The following NOP58 variants were observed in gnomAD, a reference collection of about 807,000 sequenced individuals.
NOP58 encodes the protein nucleolar protein 58.
NOP58 carries 44 observed loss-of-function variants against 71.2 expected under a neutral mutation model. That is an observed-to-expected ratio of 0.62 (90% confidence interval 0.49 to 0.79). The LOEUF is 0.79. Ranked by LOEUF, NOP58 falls within the 30% of genes least tolerant of loss-of-function variation. The pLI is 0.00. For missense variants in NOP58, 538 were observed against 620.2 expected (o/e 0.87, Z 1.41); for synonymous variants, 228 against 200.3 (o/e 1.14, Z -1.17).
chr2:202,274,745 G>C (rs1008881110), intron 1 of NOP58, among the ~76,000 whole-genome samples: 1 of 151,968 alleles, frequency 6.6e-6, no homozygotes, highest in African/African-American at 2.4e-5. Context: ...CTGGGCTACA[G>C]AGCGAGACTC....
intron 1 of NOP58, 105 bp downstream of exon 1, chr2:202,266,091 T>TA (rs1158052901): frequency 3.3e-5 from 44 of 1,330,268 alleles, no homozygotes; most frequent in Non-Finnish European, 4.6e-5. Context: ...GGGTGCCTGT[T>TA]ATAGCCCGGG....
intron 3 of NOP58, among the ~76,000 whole-genome samples, chr2:202,278,752 C>A (rs1012272114): frequency 6.6e-6 from 1 of 151,998 alleles, no homozygotes; most frequent in South Asian, 2.1e-4. Context: ...AAATGAAGGA[C>A]CGTGAGGAAG....
chr2:202,287,700 G>A lies in NOP58; in HGVS notation c.475G>A (p.Asp159Asn). 2 of 1,613,210 alleles carry A rather than the reference G, an allele frequency of 1.2e-6. No individual in the cohort carries two copies. The highest frequency in any genetic ancestry group is 1.7e-6 in the Non-Finnish European group (2 of 1,179,220). ...YRLKFSADKV[D>N]TMIVQAISLL... ...ATTGAAGTTTAGCGCTGATAAAGTA[G>A]ACACAATGATTGTTCAGGCAATTTG... Residue 159 changes from aspartate to asparagine, a missense_variant, in exon 6 of 15, where the codon GAC becomes AAC. Asp to Asn is a conservative substitution (Grantham distance 23). Transcript: ENST00000264279.
rs570916461 is a variant in NOP58, at chr2:202,272,149, ATTT to A, written c.46-2944_46-2942del. ...TTTTAGGGGTTTGTTCTGATGTATAATTTTTTTTTTTTTTTTTTTTTTGAGACG... is the reference window on the plus strand; with the variant it reads ...TTTTAGGGGTTTGTTCTGATGTATAATTTTTTTTTTTTTTTTTTTGAGACG... On this transcript the variant is annotated intron_variant, in intron 1 of 14. Coordinates refer to ENST00000264279, the MANE Select transcript of NOP58 (RefSeq NM_015934.5). Among the ~76,000 whole-genome samples the A allele has an allele frequency of 3.3e-3, 365 of 111,148 alleles. 2 individuals are homozygous for A. The highest frequency in any genetic ancestry group is 0.012 in the African/African-American group (334 of 28,704). The allele number at this position is 111,148 out of a possible 152,430, so 72.9% of individuals were successfully genotyped here. A position where few individuals can be genotyped will look rare whatever the true frequency, so the allele number is the denominator to read the frequency against.
rs2105848210 is a variant in NOP58 at position 202,287,669 on chromosome 2, A to T, written c.444A>T (p.Arg148=). The change falls in exon 6 of 15, where the codon CGA becomes CGT. Residue 148 remains arginine, a synonymous_variant. Transcript: ENST00000264279. ...TCCCCTTTCTTCCCAGCCTGTCTCGATATAGATTGAAGTTTAGCGCTGATA... is the reference window on the plus strand; with the variant it reads ...TCCCCTTTCTTCCCAGCCTGTCTCGTTATAGATTGAAGTTTAGCGCTGATA... ...MCLGLAHSLS[R]YRLKFSADKV... is the part of the protein sequence containing the mutation. The T allele has an allele frequency of 1.2e-6, 2 of 1,612,202 alleles. No homozygotes were observed. Among genetic ancestry groups the T allele is most frequent in the East Asian group, 4.5e-5 (2 of 44,866 alleles).
At chr2:202,287,766 T>C in intron 6 of NOP58, 42 bp downstream of exon 6, 1 of 1,291,588 alleles carries the variant, frequency 7.7e-7, no homozygotes, top group Non-Finnish European at 1.1e-6. Context: ...TGCTCTGTCC[T>C]TCATGCGTTT....
rs752452208 is a variant in NOP58 at position 202,297,343 on chromosome 2, GA to G, written c.1072-34del. The G allele has an allele frequency of 3.7e-5, 58 of 1,586,738 alleles. 1 individual carries two copies. In the South Asian group the frequency reaches 5.1e-4, roughly 14 times the overall value. On this transcript the variant is annotated intron_variant, in intron 10 of 14. Coordinates refer to ENST00000264279, the MANE Select transcript of NOP58 (RefSeq NM_015934.5). Reference sequence around the variant, plus strand: ...CCAAGTTATTGAGGATTTTACATCTGAACATGGAATATAGTTCTTCATGTTT... The same window carrying G: ...CCAAGTTATTGAGGATTTTACATCTGACATGGAATATAGTTCTTCATGTTT...
In NOP58 at chr2:202,284,495, G is replaced by A. The variant is rs374682661; in HGVS notation, c.434+14G>A. ...ATTGGCTCACAGGTGAGAATTACTG[G>A]AAAATAAAGTCAACTTACTTTTATT... On this transcript the variant is annotated intron_variant, in intron 5 of 14. Coordinates refer to ENST00000264279, the MANE Select transcript of NOP58 (RefSeq NM_015934.5). 6 of 1,608,652 alleles carry A rather than the reference G, an allele frequency of 3.7e-6. No individual in the cohort carries two copies. The highest frequency in any genetic ancestry group is 4.2e-6 in the Non-Finnish European group (5 of 1,178,602).
In NOP58 at chr2:202,303,415, A is replaced by G; in HGVS notation, c.1569A>G (p.Lys523=). 1 of 1,612,218 alleles carries G rather than the reference A, an allele frequency of 6.2e-7. No individual in the cohort carries two copies. The highest frequency in any genetic ancestry group is 8.5e-7 in the Non-Finnish European group (1 of 1,179,084). The change falls in exon 15 of 15, where the codon AAA becomes AAG. Residue 523 remains lysine, a synonymous_variant. Coordinates refer to ENST00000264279, the MANE Select transcript of NOP58 (RefSeq NM_015934.5). ...ASPEKKKKKK[K]KRENED is the part of the protein sequence containing the mutation. ...CAGAGAAAAAGAAGAAAAAGAAAAA[A>G]AAGAGAGAGAACGAGGATTAACAGA...
chr2:202,298,235 A>G (rs554713802), intron 12 of NOP58, among the ~76,000 whole-genome samples: 3 of 152,152 alleles, frequency 2.0e-5, no homozygotes, highest in East Asian at 1.9e-4. Context: ...TTTCCATGCC[A>G]TTTAGTTTTC....
chr2:202,274,234 T>C (rs1453887713), intron 1 of NOP58, among the ~76,000 whole-genome samples: 1 of 152,088 alleles, frequency 6.6e-6, no homozygotes, highest in Non-Finnish European at 1.5e-5. Context: ...TTTTTTGTTT[T>C]ATTTTTTTGA....
intron 13 of NOP58, among the ~76,000 whole-genome samples, chr2:202,300,571 T>C (rs1461806487): frequency 6.6e-6 from 1 of 152,238 alleles, no homozygotes; most frequent in Admixed American, 6.5e-5. Flanking sequence ...GTGAGAAGTT[T>C]AGTCAAATTA....
intron 3 of NOP58, chr2:202,278,391 G>A: frequency 2.4e-6 from 1 of 409,262 alleles, no homozygotes; most frequent in South Asian, 1.8e-5. Context: ...TTGTAATCCT[G>A]AGAACAGCCA....
chr2:202,289,286 T>TAA (rs1688847887), intron 6 of NOP58, among the ~76,000 whole-genome samples: 1 of 152,242 alleles, frequency 6.6e-6, no homozygotes, highest in South Asian at 2.1e-4. Context: ...GATGAATGGA[T>TAA]AAACTGCATT....
chr2:202,293,086 T>G (rs1688930761), intron 9 of NOP58, 183 bp downstream of exon 9: 3 of 779,988 alleles, frequency 3.8e-6, no homozygotes, highest in Admixed American at 1.7e-5. Flanking sequence ...TTGCCTGATT[T>G]CCTTTTGGAT....
intron 10 of NOP58, among the ~76,000 whole-genome samples, chr2:202,296,750 T>TTTA (rs1689000781): frequency 1.3e-5 from 2 of 152,122 alleles, no homozygotes; most frequent in African/African-American, 4.8e-5. Flanking sequence ...TGTTTGTTTT[T>TTTA]TGAGATGGAG....
intron 1 of NOP58, among the ~76,000 whole-genome samples, chr2:202,270,772 A>G (rs959355636): frequency 2.6e-5 from 4 of 152,018 alleles, no homozygotes; most frequent in Non-Finnish European, 4.4e-5. Flanking sequence ...AAACCACACA[A>G]AGTCTCAAGC....
intron 5 of NOP58, among the ~76,000 whole-genome samples, chr2:202,286,378 G>C (rs532719270): frequency 1.3e-5 from 2 of 149,838 alleles, no homozygotes; most frequent in African/African-American, 4.9e-5. Context: ...GGTGGCGGGC[G>C]CCTGTAGTCC....
chr2:202,296,392 C>T (rs1688993813), intron 10 of NOP58, among the ~76,000 whole-genome samples: 1 of 152,024 alleles, frequency 6.6e-6, no homozygotes, highest in African/African-American at 2.4e-5. Flanking sequence ...TAAGTAAAGA[C>T]CAGTTTCACC....
Sources: allele counts gnomAD v4.1 joint callset (sites outside exome capture counted in the v4.1 genomes callset), GRCh38; gene constraint gnomAD v4.1.1; transcripts MANE v1.5; gene names NCBI Gene and HGNC (gene_info 2026-07-23, HGNC 2026-07-21).